ARHGAP30: variants seen among roughly 807,000 people sequenced by gnomAD.
The protein encoded by ARHGAP30 is rho GTPase-activating protein 30.
In ARHGAP30, 23 loss-of-function variants were observed where a neutral mutation model predicts 72.0. The observed-to-expected ratio is 0.32, with a 90% CI of 0.23 to 0.45. The LOEUF (loss-of-function observed/expected upper bound fraction) is 0.45, where lower values mean the gene tolerates loss of function less well. Among genes scored for constraint, ARHGAP30 ranks in the 20% least tolerant of loss-of-function variants. The probability of loss-of-function intolerance (pLI) is 1.00; values close to 1 mark genes in which losing one functional copy is unlikely to be tolerated. For missense variants in ARHGAP30, 1,319 were observed against 1,383.4 expected (o/e 0.95, Z 0.74); for synonymous variants, 576 against 528.2 (o/e 1.09, Z -1.24).
At chr1:161,063,809 C>A (rs182735802) in intron 1 of ARHGAP30, among the ~76,000 whole-genome samples, 3 of 152,148 alleles carry the variant, frequency 2.0e-5, no homozygotes, top group African/African-American at 4.8e-5. Context: ...AACGCCCCCC[C>A]CACCGGGGCG....
Position 161,051,447 on chromosome 1 carries a change from A to T in ARHGAP30, c.1287T>A (p.Ser429Arg). 1 of 1,614,242 alleles carries T rather than the reference A, an allele frequency of 6.2e-7. No individual in the cohort carries two copies. Among genetic ancestry groups the T allele is most frequent in the Non-Finnish European group, 8.5e-7 (1 of 1,180,034 alleles). The change falls in exon 10 of 12, where the codon AGT becomes AGA. Residue 429 changes from serine to arginine, a missense_variant. Physicochemically the swap from Ser to Arg is moderately radical, Grantham distance 110 (BLOSUM62 -1). Coordinates refer to ENST00000368013, the MANE Select transcript of ARHGAP30 (RefSeq NM_001025598.2). Reference protein sequence around the residue: ...NLPLHITSILSVPPNIISNVS... With the variant: ...NLPLHITSILRVPPNIISNVS... Reference sequence around the variant, plus strand: ...CGTTAGAGATGATGTTCGGGGGCACACTGAGGATAGAGGTGATGTGTAGCG... The same window carrying T: ...CGTTAGAGATGATGTTCGGGGGCACTCTGAGGATAGAGGTGATGTGTAGCG...
At position 161,048,840 on chromosome 1, in the gene ARHGAP30, G is replaced by A. The variant is rs1200986152; in HGVS notation, c.2181C>T (p.Asp727=). Residue 727 remains aspartate, a synonymous_variant, in exon 12 of 12, where the codon GAC becomes GAT. Coordinates refer to ENST00000368013, the MANE Select transcript of ARHGAP30 (RefSeq NM_001025598.2). ...CCTCCACACCTTTAGCCTCCATACTGTCAGCCTTCTTCTGACCTTTGGACT... is the reference window on the plus strand; with the variant it reads ...CCTCCACACCTTTAGCCTCCATACTATCAGCCTTCTTCTGACCTTTGGACT... ...EEKSKGQKKA[D]SMEAKGVEEP... 1 of 1,613,882 alleles carries A rather than the reference G, an allele frequency of 6.2e-7. No individual in the cohort carries two copies.
At position 161,047,094 on chromosome 1, in the gene ARHGAP30, G is replaced by T. The variant is rs1459661763; in HGVS notation, c.*621C>A. 1 of 423,932 alleles carries T rather than the reference G, an allele frequency of 2.4e-6. No individual in the cohort carries two copies. The highest frequency in any genetic ancestry group is 2.1e-5 in the African/African-American group (1 of 47,750). The allele number at this position is 423,932 out of a possible 1,614,324, so 26.3% of individuals were successfully genotyped here. A position where few individuals can be genotyped will look rare whatever the true frequency, so the allele number is the denominator to read the frequency against. ...ACAAGTTATTCCAAAGGAGAAAGGA[G>T]AGCCCAGAGAGATCTGTACAGGACC... is the stretch of plus-strand genomic sequence containing the variant. On this transcript the variant is annotated 3_prime_UTR_variant, in exon 12 of 12. Coordinates refer to ENST00000368013, the MANE Select transcript of ARHGAP30 (RefSeq NM_001025598.2).
intron 2 of ARHGAP30, among the ~76,000 whole-genome samples, chr1:161,058,263 G>C (rs1431066245): frequency 6.6e-6 from 1 of 151,548 alleles, no homozygotes; most frequent in Non-Finnish European, 1.5e-5. Context: ...AGTGAGCTCA[G>C]ATCACGCCAC....
At position 161,069,509 on chromosome 1, in the gene ARHGAP30, G is replaced by T; in HGVS notation, c.97+19C>A. The T allele has an allele frequency of 1.2e-6, 2 of 1,600,554 alleles. No homozygotes were observed. The highest frequency in any genetic ancestry group is 8.5e-7 in the Non-Finnish European group (1 of 1,174,120). ...GTGCCTCCCCACCCACCCTGCAGAA[G>T]CTGAGCCGGCCTCCTTACCCTCCTG... On this transcript the variant is annotated intron_variant, in intron 1 of 11. Transcript: ENST00000368013. The surrounding 1 kb of genome is among the most constrained non-coding windows in gnomAD (Gnocchi z 4.9).
intron 1 of ARHGAP30, among the ~76,000 whole-genome samples, chr1:161,060,510 T>A (rs1194034008): frequency 1.4e-5 from 2 of 147,326 alleles, no homozygotes; most frequent in Non-Finnish European, 3.0e-5. Context: ...GGCAAGAGAA[T>A]CACTTGAACC....
At position 161,048,972 on chromosome 1, in the gene ARHGAP30, C is replaced by T. The variant is rs370977192; in HGVS notation, c.2049G>A (p.Val683=). 2 of 1,613,760 alleles carry T rather than the reference C, an allele frequency of 1.2e-6. No homozygotes were observed. Among genetic ancestry groups the T allele is most frequent in the African/African-American group, 2.7e-5 (2 of 74,896 alleles). ...EEAEGSPETK[V]EAGKASEDRG... is the part of the protein sequence containing the mutation. ...TATCCTCACTGGCCTTTCCAGCCTC[C>T]ACCTTGGTCTCTGGACTTCCCTCTG... Residue 683 remains valine, a synonymous_variant, in exon 12 of 12, where the codon GTG becomes GTA. Coordinates refer to ENST00000368013, the MANE Select transcript of ARHGAP30 (RefSeq NM_001025598.2).
intron 1 of ARHGAP30, among the ~76,000 whole-genome samples, chr1:161,066,779 C>T (rs1054424331): frequency 2.6e-5 from 4 of 151,738 alleles, no homozygotes; most frequent in Non-Finnish European, 5.9e-5. Flanking sequence ...GTTCACCATC[C>T]ATCGTTTCAG....
intron 1 of ARHGAP30, chr1:161,060,264 T>A (rs1571108373): frequency 1.0e-5 from 4 of 390,048 alleles, no homozygotes; most frequent in Non-Finnish European, 4.9e-6. Context: ...AGTGAGACCC[T>A]GTTTCAAAAA....
chr1:161,049,642 C>G lies in ARHGAP30; in HGVS notation c.1468G>C (p.Gly490Arg). The change falls in exon 11 of 12, where the codon GGC becomes CGC. Residue 490 changes from glycine to arginine, a missense_variant. Physicochemically the swap from Gly to Arg is moderately radical, Grantham distance 125. Around this residue, in one of 2 missense-constraint regions of ARHGAP30, gnomAD observed 1,097 missense variants for 1,045.2 expected, o/e 1.05. Transcript: ENST00000368013. ...SPASSPLADSGPDDLAPALED... is the reference protein window; with the variant it reads ...SPASSPLADSRPDDLAPALED... Reference sequence around the variant, plus strand: ...AGGGCAGGAGCCAAGTCGTCTGGGCCTGAGTCTGCCAGGGGACTTGAGGCT... The same window carrying G: ...AGGGCAGGAGCCAAGTCGTCTGGGCGTGAGTCTGCCAGGGGACTTGAGGCT... 1 of 1,613,996 alleles carries G rather than the reference C, an allele frequency of 6.2e-7. No homozygotes were observed. The highest frequency in any genetic ancestry group is 8.5e-7 in the Non-Finnish European group (1 of 1,179,940).
chr1:161,048,400 C>G lies in ARHGAP30; in HGVS notation c.2621G>C (p.Cys874Ser), dbSNP rs532517541. ...AGAGTGAGGATTGCCCTCTTTGGCA[C>G]AGTCAACCTCCAGGGACGCTACACC... ...GSGVASLEVD[C>S]AKEGNPHSSE... Residue 874 changes from cysteine (C) to serine (S), a missense_variant, in exon 12 of 12, where the codon TGT becomes TCT. This residue lies in a region of ARHGAP30 where 1,097 missense variants were observed against 1,045.2 expected (regional missense o/e 1.05). Transcript: ENST00000368013. 6.2e-7 allele frequency: 1 copy of G among 1,614,132 alleles called. No homozygotes were observed. Among genetic ancestry groups the G allele is most frequent in the East Asian group, 2.2e-5 (1 of 44,886 alleles).
intron 10 of ARHGAP30, 110 bp from the exon 11 acceptor site, chr1:161,049,799 A>C (rs1414191177): frequency 1.5e-6 from 2 of 1,361,216 alleles, no homozygotes; most frequent in Admixed American, 4.8e-5. Flanking sequence ...CAGCATTGCT[A>C]CTCTGCATGA....
Position 161,053,377 on chromosome 1 carries a change from TCC to T in ARHGAP30, c.543_544del (p.Asp182HisfsTer42), listed in dbSNP as rs1194003712. The T allele has an allele frequency of 6.2e-7, 1 of 1,613,894 alleles. No individual in the cohort carries two copies. The highest frequency in any genetic ancestry group is 8.5e-7 in the Non-Finnish European group (1 of 1,179,986). ...CCCATTGAAGCCTGAGGCCTCTATG[TCC>T]TTAGACCTGTGGAGATGTGGAATTA... On this transcript the variant is annotated frameshift_variant, in exon 6 of 12. Transcript: ENST00000368013. LOFTEE classifies it high-confidence loss of function.
At position 161,048,464 on chromosome 1, in the gene ARHGAP30, C is replaced by T. The variant is rs182111167; in HGVS notation, c.2557G>A (p.Gly853Arg). Residue 853 changes from glycine to arginine, a missense_variant, in exon 12 of 12, where the codon GGG (glycine) becomes AGG (arginine). By Grantham distance (125) the Gly-to-Arg change is moderately radical. Transcript: ENST00000368013. The part of the protein sequence containing the change: ...GEAEGDQRAG[G>R]YYLEEDTLSE... ...AGGGTGTCCTCTTCTAAATAGTACC[C>T]TCCAGCCCTCTGGTCTCCCTCAGCC... 3 of 1,614,152 alleles carry T rather than the reference C, an allele frequency of 1.9e-6. No individual in the cohort carries two copies. The highest frequency in any genetic ancestry group is 2.5e-6 in the Non-Finnish European group (3 of 1,180,022).
rs749730735 is a variant in ARHGAP30, at chr1:161,051,317, G to GGGGGCC, written c.1411_1416dup (p.Gly471_Pro472dup). ...TGGTCAATCAATGGGTCCTCACCTG[G>GGGGGCC]GGGGCCAGGGCCAAGGCCAGGGCCA... On this transcript the variant is annotated inframe_insertion, in exon 10 of 12. Transcript: ENST00000368013. 3.1e-6 allele frequency: 5 copies of GGGGGCC among 1,595,980 alleles called. No homozygotes were observed. Among genetic ancestry groups the GGGGGCC allele is most frequent in the Non-Finnish European group, 2.6e-6 (3 of 1,170,938 alleles).
chr1:161,066,644 C>CAAAAAAA (rs60662116), intron 1 of ARHGAP30, among the ~76,000 whole-genome samples: 4 of 75,084 alleles, frequency 5.3e-5, no homozygotes, highest in East Asian at 4.9e-4. Flanking sequence ...GACTGCATCT[C>CAAAAAAA]AAAAAAAAAA....
At position 161,052,733 on chromosome 1, in the gene ARHGAP30, G is replaced by A. The variant is rs777470193; in HGVS notation, c.729C>T (p.Asp243=). Residue 243 remains aspartate (D), a synonymous_variant, in exon 7 of 12, where the codon GAC becomes GAT. Transcript: ENST00000368013. ...PGTRASGSPE[D]LMPRPLPYHL... ...GATAAGGCAGTGGCCTGGGCATAAG[G>A]TCCTCGGGGCTGCCTGATGCCCGGG... 1 of 1,612,300 alleles carries A rather than the reference G, an allele frequency of 6.2e-7. No individual in the cohort carries two copies. The highest frequency in any genetic ancestry group is 1.1e-5 in the South Asian group (1 of 90,996).
At chr1:161,058,065 C>T (rs928884603) in intron 2 of ARHGAP30, among the ~76,000 whole-genome samples, 11 of 151,916 alleles carry the variant, frequency 7.2e-5, no homozygotes, top group African/African-American at 2.2e-4. Flanking sequence ...GCAGGAGAAT[C>T]GCTTGAACCC....
chr1:161,069,419 C>T lies in ARHGAP30; in HGVS notation c.97+109G>A. The stretch of plus-strand genomic sequence containing the variant: ...CTTGAATGGTGACCCCAGGCCACTG[C>T]CCCTTCCCCAGGAGCACCGGAAACT... On this transcript the variant is annotated intron_variant, in intron 1 of 11. Transcript: ENST00000368013. This position sits in a 1 kb window ranked among gnomAD's most constrained non-coding sequence, Gnocchi z 4.9. The T allele has an allele frequency of 9.0e-7, 1 of 1,108,412 alleles. No homozygotes were observed. The highest frequency in any genetic ancestry group is 2.4e-5 in the East Asian group (1 of 41,016). 68.7% of individuals were successfully genotyped at this position (1,108,412 alleles called of 1,614,324 possible).
Sources: allele counts gnomAD v4.1 joint callset (sites outside exome capture counted in the v4.1 genomes callset), GRCh38; gene constraint gnomAD v4.1.1; regional missense constraint gnomAD v4.1.1; non-coding constraint Gnocchi (gnomAD v3.1); transcripts MANE v1.5; gene names NCBI Gene and HGNC (gene_info 2026-07-23, HGNC 2026-07-21).